The following ZFPM2 variants were observed in gnomAD, a reference collection of about 807,000 sequenced individuals.
ZFPM2 encodes zinc finger protein ZFPM2.
ZFPM2 carries 20 observed loss-of-function variants against 98.6 expected under a neutral mutation model. That is an observed-to-expected ratio of 0.20 (90% CI 0.14 to 0.29). The LOEUF is 0.29. ZFPM2 is among the 10% of genes least tolerant of loss of function. The pLI is 1.00. For synonymous variants in ZFPM2, 518 were observed against 502.7 expected, an observed-to-expected ratio of 1.03 and a Z score of -0.41; for missense variants, 1,310 against 1,388.6, an observed-to-expected ratio of 0.94 and a Z score of 0.90.
chr8:105,424,228 T>C (rs1312800795), intron 2 of ZFPM2, among the ~76,000 whole-genome samples: 1 of 152,126 alleles, frequency 6.6e-6, no homozygotes, highest in African/African-American at 2.4e-5. Context: ...CTAGAAAAGT[T>C]AAAAAGCGTC....
intron 4 of ZFPM2, among the ~76,000 whole-genome samples, chr8:105,582,884 G>A (rs1264318857): frequency 4.6e-5 from 7 of 152,136 alleles, no homozygotes; most frequent in Non-Finnish European, 8.8e-5. Context: ...GTGAGCCACC[G>A]TGCCCCTCCT....
intron 5 of ZFPM2, among the ~76,000 whole-genome samples, chr8:105,736,127 A>G (rs2131023653): frequency 6.6e-6 from 1 of 152,098 alleles, no homozygotes; most frequent in African/African-American, 2.4e-5. Flanking sequence ...CTAATCCAGT[A>G]AAATTTGTAA....
intron 1 of ZFPM2, among the ~76,000 whole-genome samples, chr8:105,380,666 A>C: frequency 2.9e-4 from 7 of 23,846 alleles, no homozygotes; most frequent in African/African-American, 1.3e-3. Flanking sequence ...TATTATATAT[A>C]ACATATATAT....
chr8:105,802,283 G>T lies in ZFPM2; in HGVS notation c.2201G>T (p.Arg734Leu). 1 of 1,613,772 alleles carries T rather than the reference G, an allele frequency of 6.2e-7. No individual in the cohort carries two copies. The highest frequency in any genetic ancestry group is 8.5e-7 in the Non-Finnish European group (1 of 1,179,822). The part of the protein sequence containing the change: ...NKVPAMQRTM[R>L]TRKRRKMYEM... ...GTGCCTGCCATGCAGAGAACCATGC[G>T]CACACGCAAGCGCAGAAAGATGTAT... Residue 734 changes from arginine (R) to leucine (L), a missense_variant, in exon 8 of 8, where the codon CGC becomes CTC. Coordinates refer to ENST00000407775, the MANE Select transcript of ZFPM2 (RefSeq NM_012082.4).
intron 3 of ZFPM2, among the ~76,000 whole-genome samples, chr8:105,455,182 A>G (rs1586385086): frequency 6.6e-6 from 1 of 152,182 alleles, no homozygotes; most frequent in Non-Finnish European, 1.5e-5. Context: ...AAAATCTAAA[A>G]TCCAAAATAT....
At chr8:105,620,043 A>C (rs1052953461) in intron 4 of ZFPM2, among the ~76,000 whole-genome samples, 2 of 152,192 alleles carry the variant, frequency 1.3e-5, no homozygotes, top group Non-Finnish European at 2.9e-5. Flanking sequence ...TTGGGTATAT[A>C]TCCAGTAATG....
chr8:105,560,531 A>AT (rs201780565), intron 3 of ZFPM2, among the ~76,000 whole-genome samples: 3 of 147,794 alleles, frequency 2.0e-5, no homozygotes, highest in East Asian at 2.0e-4. Context: ...CCTGATTGTG[A>AT]TTTTTTTTCT....
At chr8:105,634,206 G>T (rs772609133) in intron 4 of ZFPM2, 40 bp from the exon 5 acceptor site, 3 of 1,484,646 alleles carry the variant, frequency 2.0e-6, no homozygotes, top group East Asian at 2.3e-5. Context: ...TTTAATCAAC[G>T]GAAGCAAATG....
chr8:105,670,964 A>T (rs962052761), intron 5 of ZFPM2, among the ~76,000 whole-genome samples: 8 of 152,154 alleles, frequency 5.3e-5, no homozygotes, highest in Admixed American at 5.2e-4. Context: ...TATACTATAT[A>T]TGGAAAGGCC....
At chr8:105,651,112 A>C (rs562583504) in intron 5 of ZFPM2, among the ~76,000 whole-genome samples, 1 of 152,246 alleles carries the variant, frequency 6.6e-6, no homozygotes, top group Admixed American at 6.5e-5. Flanking sequence ...TTCCATGCCC[A>C]GTGACAAGTC....
At chr8:105,477,973 G>A (rs368811594) in intron 3 of ZFPM2, among the ~76,000 whole-genome samples, 8 of 152,158 alleles carry the variant, frequency 5.3e-5, no homozygotes, top group African/African-American at 1.9e-4. Flanking sequence ...TCTGCACAGT[G>A]CAATTACTTC....
chr8:105,514,763 T>C (rs1813886581), intron 3 of ZFPM2, among the ~76,000 whole-genome samples: 1 of 152,196 alleles, frequency 6.6e-6, no homozygotes, highest in African/African-American at 2.4e-5. Flanking sequence ...CTTGTCACAA[T>C]TGCAATTTAT....
chr8:105,529,628 C>G (rs1448451459), intron 3 of ZFPM2, among the ~76,000 whole-genome samples: 1 of 149,424 alleles, frequency 6.7e-6, no homozygotes, highest in East Asian at 2.0e-4. Flanking sequence ...TCAGTCAGGA[C>G]CAAGTGAGCC....
chr8:105,768,643 C>T (rs1471673769), intron 5 of ZFPM2, among the ~76,000 whole-genome samples: 1 of 151,964 alleles, frequency 6.6e-6, no homozygotes, highest in African/African-American at 2.4e-5. Flanking sequence ...ACTTGGGTTC[C>T]ATTCACACAA....
intron 4 of ZFPM2, among the ~76,000 whole-genome samples, chr8:105,562,179 G>A (rs549626441): frequency 2.6e-5 from 4 of 151,680 alleles, no homozygotes; most frequent in Non-Finnish European, 4.4e-5. Flanking sequence ...ACATGGTGGC[G>A]GGTGCCTGTA....
intron 4 of ZFPM2, among the ~76,000 whole-genome samples, chr8:105,629,405 C>T (rs552818056): frequency 8.9e-4 from 136 of 152,314 alleles, no homozygotes; most frequent in African/African-American, 3.2e-3. Flanking sequence ...AGCTATTTCA[C>T]ACTTTTGAGC....
chr8:105,546,821 A>G (rs1304325867), intron 3 of ZFPM2, among the ~76,000 whole-genome samples: 2 of 152,188 alleles, frequency 1.3e-5, no homozygotes, highest in Non-Finnish European at 2.9e-5. Flanking sequence ...GGTCTGAATT[A>G]TTGAATCCTA....
At chr8:105,344,789 A>G (rs1812486365) in intron 1 of ZFPM2, among the ~76,000 whole-genome samples, 1 of 152,176 alleles carries the variant, frequency 6.6e-6, no homozygotes, top group Non-Finnish European at 1.5e-5. Flanking sequence ...ATATCAAGTT[A>G]TGGACAATGT....
chr8:105,649,849 G>C (rs1236992385), intron 5 of ZFPM2, among the ~76,000 whole-genome samples: 2 of 152,018 alleles, frequency 1.3e-5, no homozygotes, highest in Non-Finnish European at 2.9e-5. Context: ...TCTCTTTTTT[G>C]GTTGTGTCTC....
Sources: gnomAD v4.1 joint callset for allele counts (sites outside exome capture counted in the v4.1 genomes callset) on GRCh38, gnomAD v4.1.1 for gene constraint, MANE v1.5 for transcripts, NCBI Gene and HGNC (gene_info 2026-07-23, HGNC 2026-07-21) for gene names.